NDRG3: variants seen among roughly 807,000 people sequenced by gnomAD.
NDRG3 encodes the protein NDRG family member 3.
In NDRG3, 23 loss-of-function variants were observed where a neutral mutation model predicts 57.2. The observed-to-expected ratio is 0.40, with a 90% CI of 0.29 to 0.57. The LOEUF (loss-of-function observed/expected upper bound fraction) is 0.57, where lower values mean the gene tolerates loss of function less well. Among genes scored for constraint, NDRG3 ranks in the 20% least tolerant of loss-of-function variants. The pLI, the probability that NDRG3 is intolerant of heterozygous loss-of-function variation, is 0.42. For synonymous variants in NDRG3, 132 were observed against 162.6 expected, an observed-to-expected ratio of 0.81 and a Z score of 1.43; for missense variants, 384 against 457.3, an observed-to-expected ratio of 0.84 and a Z score of 1.46.
chr20:36,712,587 A>ATATAT (rs57260715), intron 2 of NDRG3, among the ~76,000 whole-genome samples: 15 of 5,922 alleles, frequency 2.5e-3, no homozygotes, highest in Admixed American at 0.01. Flanking sequence ...ATATATATAT[A>ATATAT]TTTTTTTTTT....
chr20:36,668,451 A>C (rs1337275579), intron 9 of NDRG3: 2 of 152,108 alleles, frequency 1.3e-5, no homozygotes, highest in African/African-American at 4.8e-5. Flanking sequence ...CTTATTGGTG[A>C]AGTTGAGCAT....
chr20:36,735,187 T>C (rs976074083), intron 1 of NDRG3, among the ~76,000 whole-genome samples: 1 of 152,150 alleles, frequency 6.6e-6, no homozygotes, highest in Non-Finnish European at 1.5e-5. Context: ...TTTAACAGTA[T>C]ACAAGTCACC....
chr20:36,696,708 G>T (rs912976566), intron 3 of NDRG3, among the ~76,000 whole-genome samples: 6 of 149,846 alleles, frequency 4.0e-5, no homozygotes, highest in Admixed American at 2.0e-4. Context: ...GGCCAGGATG[G>T]TCTCGATCCC....
chr20:36,697,406 T>C (rs1982882979), intron 3 of NDRG3, among the ~76,000 whole-genome samples: 2 of 152,112 alleles, frequency 1.3e-5, no homozygotes, highest in Admixed American at 1.3e-4. Context: ...CACTTTTGTC[T>C]GCATTAAAAT....
chr20:36,659,449 A>G (rs950776934), intron 13 of NDRG3, among the ~76,000 whole-genome samples: 7 of 151,872 alleles, frequency 4.6e-5, no homozygotes, highest in African/African-American at 1.5e-4. Context: ...TTAATGATGT[A>G]AAAATGTATA....
At chr20:36,707,322 A>C (rs567238262) in intron 2 of NDRG3, among the ~76,000 whole-genome samples, 1 of 152,314 alleles carries the variant, frequency 6.6e-6, no homozygotes, top group Non-Finnish European at 1.5e-5. Context: ...GGAAGAGGGT[A>C]AAACATGGAC....
intron 8 of NDRG3, among the ~76,000 whole-genome samples, 187 bp from the exon 9 acceptor site, chr20:36,671,584 T>C (rs569504322): frequency 6.6e-6 from 1 of 152,190 alleles, no homozygotes; most frequent in South Asian, 2.1e-4. Context: ...GGGCAGATCA[T>C]GAGGTCAGGA....
intron 1 of NDRG3, among the ~76,000 whole-genome samples, chr20:36,737,338 T>C (rs1278984688): frequency 6.6e-6 from 1 of 152,122 alleles, no homozygotes; most frequent in Non-Finnish European, 1.5e-5. Flanking sequence ...CCCTGGGGTG[T>C]GCTCTTAGAT....
intron 1 of NDRG3, among the ~76,000 whole-genome samples, chr20:36,726,888 A>G (rs1211414819): frequency 2.0e-5 from 3 of 151,226 alleles, no homozygotes; most frequent in African/African-American, 4.9e-5. Flanking sequence ...CCTCATAACA[A>G]TCCTCTCTGG....
rs1208923718 is a variant in NDRG3 at position 36,733,183 on chromosome 20, T to A, written c.-48-11400A>T. ...AAAAAAAAAAAAAAATATATATATA[T>A]ATATATATATATATATATATGCACA... is the stretch of plus-strand genomic sequence containing the variant. On this transcript the variant is annotated intron_variant, in intron 1 of 15. Coordinates refer to ENST00000349004, the MANE Select transcript of NDRG3 (RefSeq NM_032013.4). Among the ~76,000 whole-genome samples, 198 of 52,200 alleles carry A rather than the reference T, an allele frequency of 3.8e-3. 1 individual carries two copies. Among genetic ancestry groups the A allele is most frequent in the African/African-American group, 0.015 (192 of 12,494 alleles). 34.2% of individuals were successfully genotyped at this position (52,200 alleles called of 152,430 possible).
intron 13 of NDRG3, among the ~76,000 whole-genome samples, chr20:36,659,723 C>T (rs1181040480): frequency 6.6e-6 from 1 of 151,988 alleles, no homozygotes; most frequent in East Asian, 2.0e-4. Context: ...GCCTCAGCCT[C>T]CCAGGTAGCT....
At chr20:36,686,056 TA>T (rs1253394187) in intron 5 of NDRG3, among the ~76,000 whole-genome samples, 2 of 152,180 alleles carry the variant, frequency 1.3e-5, no homozygotes, top group African/African-American at 4.8e-5. Context: ...GAATTGATCC[TA>T]AGATGACCAC....
chr20:36,735,985 A>AG (rs1351515528), intron 1 of NDRG3, among the ~76,000 whole-genome samples: 1 of 151,702 alleles, frequency 6.6e-6, no homozygotes, highest in Non-Finnish European at 1.5e-5. Context: ...AAAAAAAAAA[A>AG]AAAAAAAAGA....
At chr20:36,681,567 C>T (rs1981293859) in intron 7 of NDRG3, among the ~76,000 whole-genome samples, 2 of 137,748 alleles carry the variant, frequency 1.5e-5, no homozygotes, top group South Asian at 2.3e-4. Context: ...ACCCAGGAGG[C>T]GGAGGTTGCA....
intron 2 of NDRG3, among the ~76,000 whole-genome samples, chr20:36,715,759 T>C (rs868285100): frequency 7.3e-5 from 11 of 150,824 alleles, no homozygotes; most frequent in African/African-American, 2.4e-4. Context: ...TGAACCCAGG[T>C]GGTAGAGACT....
At chr20:36,685,118 TA>T (rs1411196622) in intron 5 of NDRG3, among the ~76,000 whole-genome samples, 1 of 152,074 alleles carries the variant, frequency 6.6e-6, no homozygotes, top group Non-Finnish European at 1.5e-5. Flanking sequence ...CCAGGCTCAG[TA>T]AACCTCCGGC....
At chr20:36,736,846 A>C (rs1417794680) in intron 1 of NDRG3, among the ~76,000 whole-genome samples, 3 of 152,168 alleles carry the variant, frequency 2.0e-5, no homozygotes, top group Admixed American at 6.6e-5. Context: ...TATCTCCATA[A>C]GCTAAGGGGT....
At chr20:36,704,403 G>A (rs953169764) in intron 3 of NDRG3, among the ~76,000 whole-genome samples, 19 of 152,044 alleles carry the variant, frequency 1.2e-4, no homozygotes, top group Admixed American at 2.6e-4. Flanking sequence ...TTCGGAGGAG[G>A]TGCTGAATTT....
At chr20:36,695,345 G>C (rs749828450) in intron 3 of NDRG3, among the ~76,000 whole-genome samples, 1 of 152,318 alleles carries the variant, frequency 6.6e-6, no homozygotes, top group African/African-American at 2.4e-5. Context: ...CTGGATAACA[G>C]TGATGTTCAA....
Sources: gnomAD v4.1 joint callset for allele counts (sites outside exome capture counted in the v4.1 genomes callset) on GRCh38, gnomAD v4.1.1 for gene constraint, MANE v1.5 for transcripts, NCBI Gene and HGNC (gene_info 2026-07-23, HGNC 2026-07-21) for gene names.